CERS3: variants seen among roughly 807,000 people sequenced by gnomAD.
CERS3 encodes LAG1 homolog, ceramide synthase 3.
A neutral mutation model predicts 50.3 loss-of-function variants in CERS3; 33 were observed. That is an observed-to-expected ratio of 0.66 (90% CI 0.50 to 0.88). The LOEUF (loss-of-function observed/expected upper bound fraction) is 0.88, where lower values mean the gene tolerates loss of function less well. Ranked by LOEUF, CERS3 falls within the 40% of genes least tolerant of loss-of-function variation. The probability of loss-of-function intolerance (pLI) is 0.00; values close to 1 mark genes in which losing one functional copy is unlikely to be tolerated. For synonymous variants in CERS3, 176 were observed against 155.2 expected, an observed-to-expected ratio of 1.13 and a Z score of -0.99; for missense variants, 470 against 460.3, an observed-to-expected ratio of 1.02 and a Z score of -0.19.
intron 3 of CERS3, 49 bp downstream of exon 3, chr15:100,501,628 G>C: frequency 6.8e-7 from 1 of 1,480,956 alleles, no homozygotes; most frequent in Non-Finnish European, 9.4e-7. Context: ...TTATTCTAGT[G>C]TTAGAGCAAA....
chr15:100,532,947 C>CCT (rs1330773979), upstream of CERS3, among the ~76,000 whole-genome samples: 5 of 152,150 alleles, frequency 3.3e-5, no homozygotes, highest in African/African-American at 1.2e-4. Flanking sequence ...GTCATCTCTC[C>CCT]TCCCTGCCAC....
At chr15:100,441,002 C>T (rs1233026575) in intron 11 of CERS3, among the ~76,000 whole-genome samples, 4 of 152,214 alleles carry the variant, frequency 2.6e-5, no homozygotes, top group Non-Finnish European at 5.9e-5. Context: ...TGATTATTCA[C>T]CCATGTTTCA....
chr15:100,465,787 T>C (rs978071405), intron 10 of CERS3, among the ~76,000 whole-genome samples: 2 of 151,888 alleles, frequency 1.3e-5, no homozygotes, highest in Non-Finnish European at 2.9e-5. Context: ...GCCTCCCGAG[T>C]AGCTGGGATT....
At chr15:100,450,619 A>G (rs892925903) in intron 11 of CERS3, among the ~76,000 whole-genome samples, 16 of 152,154 alleles carry the variant, frequency 1.1e-4, no homozygotes, top group African/African-American at 3.1e-4. Flanking sequence ...AAAATAAAAT[A>G]AAAAAGATAG....
At chr15:100,518,421 AT>A (rs1162928884) in intron 2 of CERS3, among the ~76,000 whole-genome samples, 1 of 152,170 alleles carries the variant, frequency 6.6e-6, no homozygotes, top group Non-Finnish European at 1.5e-5. Flanking sequence ...CATTTATTCA[AT>A]TTTTTTGATT....
intron 11 of CERS3, among the ~76,000 whole-genome samples, chr15:100,433,418 C>T (rs1394285153): frequency 6.6e-6 from 1 of 152,082 alleles, no homozygotes; most frequent in Non-Finnish European, 1.5e-5. Context: ...AAACAGAACA[C>T]TGTTCAGCTT....
intron 11 of CERS3, among the ~76,000 whole-genome samples, chr15:100,438,790 T>C (rs988979060): frequency 6.6e-6 from 1 of 152,204 alleles, no homozygotes; most frequent in Non-Finnish European, 1.5e-5. Context: ...CATGCTACAG[T>C]TCCCCCCGCA....
At chr15:100,484,926 G>A (rs930806219) in intron 4 of CERS3, among the ~76,000 whole-genome samples, 5 of 152,138 alleles carry the variant, frequency 3.3e-5, no homozygotes, top group Non-Finnish European at 4.4e-5. Flanking sequence ...GCAGCAACCC[G>A]GCATTCAAGT....
intron 2 of CERS3, among the ~76,000 whole-genome samples, chr15:100,509,125 T>C (rs553190892): frequency 7.9e-5 from 12 of 152,178 alleles, no homozygotes; most frequent in Non-Finnish European, 1.8e-4. Flanking sequence ...ATGTAGCTAA[T>C]GTAGGGGGTT....
chr15:100,544,501 G>GGACACGGGCCCTCTCTCGGCCTTGACCT (rs2037307527), intron 1 of CERS3: 1 of 148,096 alleles, frequency 6.8e-6, no homozygotes, highest in African/African-American at 2.5e-5. Flanking sequence ...CTCGACCTGG[G>GGACACGGGCCCTCTCTCGGCCTTGACCT]CCTGCGCGGG....
intron 11 of CERS3, among the ~76,000 whole-genome samples, chr15:100,430,932 T>C (rs2033099548): frequency 6.6e-6 from 1 of 152,202 alleles, no homozygotes; most frequent in South Asian, 2.1e-4. Context: ...GTCTGGAATA[T>C]GAATTTTCTA....
At chr15:100,416,225 A>T (rs1033256929) in intron 11 of CERS3, among the ~76,000 whole-genome samples, 8 of 152,360 alleles carry the variant, frequency 5.3e-5, no homozygotes, top group Middle Eastern at 6.8e-3. Context: ...ACACTTCCTG[A>T]GTTCAAACTA....
rs965058064 is a variant in CERS3, at chr15:100,439,332, A to G, written c.999+16561T>C. Among the ~76,000 whole-genome samples the G allele has an allele frequency of 3.9e-5, 6 of 152,348 alleles. No individual in the cohort carries two copies. The South Asian group carries it at 6.2e-4, about 16-fold the overall frequency. ...TTCAGTCTGCCATGAAAATTCATGG[A>G]GACCAAAAATGATTAATACATTATT... On this transcript the variant is annotated intron_variant, in intron 11 of 11. Transcript: ENST00000679737.
intron 11 of CERS3, among the ~76,000 whole-genome samples, chr15:100,416,979 A>G (rs894307519): frequency 2.5e-4 from 38 of 152,240 alleles, no homozygotes; most frequent in African/African-American, 8.9e-4. Flanking sequence ...AAAAATATTC[A>G]AAATCACTAA....
At chr15:100,415,358 G>T (rs1376453648) in intron 11 of CERS3, among the ~76,000 whole-genome samples, 1 of 152,008 alleles carries the variant, frequency 6.6e-6, no homozygotes, top group Non-Finnish European at 1.5e-5. Flanking sequence ...GGGAATGCAA[G>T]TTCAACCATT....
At chr15:100,473,853 C>G (rs950969709) in intron 8 of CERS3, among the ~76,000 whole-genome samples, 1 of 152,154 alleles carries the variant, frequency 6.6e-6, no homozygotes, top group Non-Finnish European at 1.5e-5. Context: ...CAGCATTACT[C>G]ATAACAGCCA....
At chr15:100,473,103 A>G in intron 8 of CERS3, 51 bp from the exon 9 acceptor site, 1 of 1,552,128 alleles carries the variant, frequency 6.4e-7, no homozygotes, top group Non-Finnish European at 8.7e-7. Context: ...TTTATTTCCC[A>G]ATCACTGGAA....
chr15:100,479,939 T>A, intron 6 of CERS3, 50 bp downstream of exon 6: 1 of 1,405,616 alleles, frequency 7.1e-7, no homozygotes, highest in Non-Finnish European at 1.0e-6. Flanking sequence ...AGACAAGAAT[T>A]TCAAAAATTA....
At chr15:100,541,704 C>T (rs1039037798) in intron 1 of CERS3, among the ~76,000 whole-genome samples, 1 of 151,866 alleles carries the variant, frequency 6.6e-6, no homozygotes, top group Non-Finnish European at 1.5e-5. Flanking sequence ...CTCATAGCTT[C>T]CCTGAAATAA....
Sources: allele counts gnomAD v4.1 joint callset (sites outside exome capture counted in the v4.1 genomes callset), GRCh38; gene constraint gnomAD v4.1.1; transcripts MANE v1.5; gene names NCBI Gene and HGNC (gene_info 2026-07-23, HGNC 2026-07-21).